Variants in MSH3 observed in about 807,000 individuals in gnomAD.
The protein encoded by MSH3 is mutS homolog 3, also known as DNA mismatch repair protein Msh3.
A neutral mutation model predicts 123.3 loss-of-function variants in MSH3; 106 were observed. The ratio of observed to expected loss-of-function variants is 0.86; its 90% CI spans 0.73 to 1.01. The LOEUF is 1.01. Among genes scored for constraint, MSH3 ranks in the 50% least tolerant of loss-of-function variants. MSH3 has a pLI of 0.00. For missense variants in MSH3, 1,459 were observed against 1,347.6 expected (o/e 1.08, Z -1.29); for synonymous variants, 515 against 481.4 (o/e 1.07, Z -0.91).
At chr5:80,794,528 A>T (rs977802621) in intron 19 of MSH3, among the ~76,000 whole-genome samples, 1 of 152,188 alleles carries the variant, frequency 6.6e-6, no homozygotes, top group African/African-American at 2.4e-5. Flanking sequence ...AAAAATGAAT[A>T]TGTAGGGAGT....
chr5:80,761,127 A>G (rs1238459697), intron 12 of MSH3, among the ~76,000 whole-genome samples: 1 of 152,192 alleles, frequency 6.6e-6, no homozygotes, highest in African/African-American at 2.4e-5. Context: ...TCACACAGCC[A>G]TGTAAAATTA....
At chr5:80,740,489 C>T (rs1198121838) in intron 10 of MSH3, among the ~76,000 whole-genome samples, 2 of 151,704 alleles carry the variant, frequency 1.3e-5, no homozygotes, top group Admixed American at 6.6e-5. Context: ...TCCTGAGTTG[C>T]TGGGACTACA....
At chr5:80,663,947 G>T (rs13164264) in intron 2 of MSH3, among the ~76,000 whole-genome samples, 1 of 152,174 alleles carries the variant, frequency 6.6e-6, no homozygotes, top group Non-Finnish European at 1.5e-5. Flanking sequence ...GGGAAGGTAA[G>T]AGGTGATAAA....
chr5:80,739,957 T>C (rs1195293539), intron 10 of MSH3, among the ~76,000 whole-genome samples: 1 of 152,230 alleles, frequency 6.6e-6, no homozygotes, highest in Non-Finnish European at 1.5e-5. Context: ...ATTATAGCTA[T>C]GAGAAGGGTG....
chr5:80,770,605 A>C (rs1744199467), intron 15 of MSH3, among the ~76,000 whole-genome samples: 2 of 152,192 alleles, frequency 1.3e-5, no homozygotes, highest in South Asian at 4.1e-4. Context: ...TAGTTAGATA[A>C]GTTACCCAAG....
At chr5:80,799,500 CTTTTTTTTTTT>C (rs746348952) in intron 19 of MSH3, among the ~76,000 whole-genome samples, 33 of 32,322 alleles carry the variant, frequency 1.0e-3, no homozygotes, top group East Asian at 2.0e-3. Context: ...GAAGATAGCA[CTTTTTTTTTTT>C]TTTTTTTTTT....
At chr5:80,865,378 G>A (rs1746082213) in intron 22 of MSH3, among the ~76,000 whole-genome samples, 1 of 152,080 alleles carries the variant, frequency 6.6e-6, no homozygotes, top group Admixed American at 6.5e-5. Flanking sequence ...CTGGACATAG[G>A]TTTTTATTTT....
chr5:80,794,037 G>GT (rs2112028394), intron 19 of MSH3, among the ~76,000 whole-genome samples: 1 of 152,288 alleles, frequency 6.6e-6, no homozygotes, highest in East Asian at 1.9e-4. Flanking sequence ...AGGAGAGAGA[G>GT]TGAGGTGTGG....
chr5:80,774,127 A>T (rs1744259635), intron 15 of MSH3, among the ~76,000 whole-genome samples: 1 of 152,170 alleles, frequency 6.6e-6, no homozygotes, highest in South Asian at 2.1e-4. Context: ...ATACATAACT[A>T]AGGCTAAAAA....
chr5:80,836,566 A>AAG (rs1561494105), intron 20 of MSH3, among the ~76,000 whole-genome samples: 1 of 144,818 alleles, frequency 6.9e-6, no homozygotes. Flanking sequence ...AAAAAAAAAA[A>AAG]GCTCTGAATT....
chr5:80,773,300 A>G (rs573248906), intron 15 of MSH3, among the ~76,000 whole-genome samples: 2 of 152,344 alleles, frequency 1.3e-5, no homozygotes, highest in South Asian at 4.1e-4. Context: ...TATTTAGCAC[A>G]GTTTAAAAGT....
intron 1 of MSH3, chr5:80,655,237 C>G (rs1309338443): frequency 3.1e-6 from 1 of 325,982 alleles, no homozygotes; most frequent in Non-Finnish European, 5.5e-6. Context: ...GACTCCCATT[C>G]TGATGAGGGG....
chr5:80,688,698 C>T (rs1750152217), intron 8 of MSH3, among the ~76,000 whole-genome samples: 1 of 151,858 alleles, frequency 6.6e-6, no homozygotes, highest in Non-Finnish European at 1.5e-5. Flanking sequence ...TGAAGTCCAA[C>T]TTCTTTCTAA....
Position 80,873,207 on chromosome 5 carries a change from A to T in MSH3, c.3222A>T (p.Lys1074Asn). 6.2e-7 allele frequency: 1 copy of T among 1,614,058 alleles called. No individual in the cohort carries two copies. Residue 1074 changes from lysine (K) to asparagine (N), a missense_variant, in exon 23 of 24, where the codon AAA (lysine) becomes AAT (asparagine). By Grantham distance (94) the Lys-to-Asn change is moderately conservative. Coordinates refer to ENST00000265081, the MANE Select transcript of MSH3 (RefSeq NM_002439.5). ...GGAGTTATGGATTAAATGTGGCTAA[A>T]CTAGCAGATGTTCCTGGAGAAATTT... ...AARSYGLNVA[K>N]LADVPGEILK...
chr5:80,835,082 G>A (rs1435196476), intron 20 of MSH3, among the ~76,000 whole-genome samples: 1 of 152,178 alleles, frequency 6.6e-6, no homozygotes, highest in Admixed American at 6.5e-5. Flanking sequence ...CAAAGAATGT[G>A]CCATCAGACA....
Position 80,654,859 on chromosome 5 carries a change from C to G in MSH3, c.132C>G (p.Ala44=), listed in dbSNP as rs749754328. Residue 44 remains alanine (A), a synonymous_variant, in exon 1 of 24, where the codon GCC becomes GCG. Transcript: ENST00000265081. ...CCACCTCCTCCTCCACAGGTGCAGCCGACCAGGTGGACCCTGGCGCTGCAG... is the reference window on the plus strand; with the variant it reads ...CCACCTCCTCCTCCACAGGTGCAGCGGACCAGGTGGACCCTGGCGCTGCAG... ...LKSTSSSTGA[A]DQVDPGAAAA... 3.1e-6 allele frequency: 5 copies of G among 1,600,198 alleles called. No individual in the cohort carries two copies. Among genetic ancestry groups the G allele is most frequent in the Non-Finnish European group, 2.6e-6 (3 of 1,175,492 alleles).
chr5:80,673,094 A>G (rs1243806971), intron 6 of MSH3, among the ~76,000 whole-genome samples: 1 of 152,170 alleles, frequency 6.6e-6, no homozygotes, highest in African/African-American at 2.4e-5. Context: ...CAAGAGCAAG[A>G]AAAAAAGCAA....
intron 8 of MSH3, among the ~76,000 whole-genome samples, chr5:80,709,094 G>A (rs1453472975): frequency 1.3e-5 from 2 of 151,670 alleles, no homozygotes; most frequent in Non-Finnish European, 2.9e-5. Flanking sequence ...TTTTTTTTCA[G>A]AAGTTATTGT....
chr5:80,672,303 T>A lies in MSH3; in HGVS notation c.852T>A (p.Ser284Arg). The A allele has an allele frequency of 6.2e-7, 1 of 1,614,138 alleles. No homozygotes were observed. Among genetic ancestry groups the A allele is most frequent in the Non-Finnish European group, 8.5e-7 (1 of 1,179,986 alleles). Residue 284 changes from serine to arginine, a missense_variant, in exon 5 of 24, where the codon AGT (serine) becomes AGA (arginine). Ser to Arg is a moderately radical substitution (Grantham distance 110). Transcript: ENST00000265081. ...TAGATCACAACTTTATGACAGCAAG[T>A]ATACCTACTCACAGACTGTTTGTTC... ...CHLDHNFMTA[S>R]IPTHRLFVHV...
Sources: allele counts gnomAD v4.1 joint callset (sites outside exome capture counted in the v4.1 genomes callset), GRCh38; gene constraint gnomAD v4.1.1; transcripts MANE v1.5; gene names NCBI Gene and HGNC (gene_info 2026-07-23, HGNC 2026-07-21).